The following HTT variants were observed in gnomAD, a reference collection of about 807,000 sequenced individuals.
HTT encodes huntington disease protein.
A neutral mutation model predicts 362.3 loss-of-function variants in HTT; 104 were observed. The observed-to-expected ratio is 0.29, with a 90% CI of 0.24 to 0.34. The LOEUF (loss-of-function observed/expected upper bound fraction) is 0.34, where lower values mean the gene tolerates loss of function less well. Ranked by LOEUF, HTT falls within the 10% of genes least tolerant of loss-of-function variation. The pLI is 1.00. For synonymous variants in HTT, 1,577 were observed against 1,548.7 expected, an observed-to-expected ratio of 1.02 and a Z score of -0.43; for missense variants, 3,301 against 3,928.6, an observed-to-expected ratio of 0.84 and a Z score of 4.27.
In HTT at chr4:3,129,084, A is replaced by G. The variant is rs768255415; in HGVS notation, c.1744-840A>G. The G allele has an allele frequency of 2.0e-5, 3 of 152,242 alleles. No individual in the cohort carries two copies. In the East Asian group the frequency reaches 5.8e-4, roughly 29 times the overall value. The allele number at this position is 152,242 out of a possible 1,614,324, so 9.4% of individuals were successfully genotyped here. On this transcript the variant is annotated intron_variant, in intron 12 of 66. Coordinates refer to ENST00000355072, the MANE Select transcript of HTT (RefSeq NM_001388492.1). ...TCATGCATGTTGTAGCCTATGTTAG[A>G]ACTTCCTAATGTTTCAGGCCAAATA...
At chr4:3,153,377 A>G (rs1342520590) in intron 26 of HTT, among the ~76,000 whole-genome samples, 1 of 152,320 alleles carries the variant, frequency 6.6e-6, no homozygotes, top group African/African-American at 2.4e-5. Context: ...GGGAGTGAGT[A>G]AGTAGCAGAG....
chr4:3,192,801 A>G (rs1034498604), intron 40 of HTT, among the ~76,000 whole-genome samples: 1 of 152,228 alleles, frequency 6.6e-6, no homozygotes, highest in Non-Finnish European at 1.5e-5. Context: ...TTTTGCATAC[A>G]TATCTTAGAG....
intron 35 of HTT, among the ~76,000 whole-genome samples, chr4:3,178,815 C>T (rs1167864280): frequency 6.6e-6 from 1 of 152,114 alleles, no homozygotes; most frequent in East Asian, 1.9e-4. Context: ...ATCGAACTTG[C>T]CGTGAATTAA....
At chr4:3,224,412 A>G (rs933571385) in intron 56 of HTT, among the ~76,000 whole-genome samples, 1 of 152,250 alleles carries the variant, frequency 6.6e-6, no homozygotes, top group Admixed American at 6.5e-5. Context: ...TAAAAGTTGA[A>G]TTAGTTGCTT....
chr4:3,230,713 A>T (rs1308605881), intron 60 of HTT, among the ~76,000 whole-genome samples: 1 of 152,054 alleles, frequency 6.6e-6, no homozygotes, highest in African/African-American at 2.4e-5. Context: ...TGCTTCATAG[A>T]TGGCATCTTC....
chr4:3,163,079 T>TA (rs1224148431), intron 29 of HTT, among the ~76,000 whole-genome samples: 1 of 152,246 alleles, frequency 6.6e-6, no homozygotes, highest in African/African-American at 2.4e-5. Flanking sequence ...AAATAGCTCT[T>TA]ACTATGTTGA....
intron 54 of HTT, among the ~76,000 whole-genome samples, chr4:3,223,159 T>C (rs999836464): frequency 6.6e-6 from 1 of 152,248 alleles, no homozygotes; most frequent in African/African-American, 2.4e-5. Context: ...AAGTAATTCA[T>C]GTTTGGAGTT....
chr4:3,149,726 C>T (rs1716786059), intron 26 of HTT, among the ~76,000 whole-genome samples: 1 of 152,192 alleles, frequency 6.6e-6, no homozygotes, highest in South Asian at 2.1e-4. Context: ...CAGTCTTCTC[C>T]CTTCTCTGCA....
At chr4:3,123,193 T>C (rs1715369862) in intron 10 of HTT, 1 of 355,818 alleles carries the variant, frequency 2.8e-6, no homozygotes, top group Admixed American at 4.6e-5. Context: ...AAATTTCTAA[T>C]GTTCGGGGTC....
chr4:3,239,832 A>G lies in HTT; in HGVS notation c.9216-14A>G. 2.6e-6 allele frequency: 4 copies of G among 1,550,188 alleles called. No homozygotes were observed. Among genetic ancestry groups the G allele is most frequent in the Non-Finnish European group, 3.5e-6 (4 of 1,145,656 alleles). ...CCCTCATTTGCCGGCCTTTTTCCTTAACTCCTGCACCAGCCTCCCACATGT... is the reference window on the plus strand; with the variant it reads ...CCCTCATTTGCCGGCCTTTTTCCTTGACTCCTGCACCAGCCTCCCACATGT... On this transcript the variant is annotated splice_polypyrimidine_tract_variant and intron_variant, in intron 66 of 66. Transcript: ENST00000355072.
Position 3,186,627 on chromosome 4 carries a change from G to A in HTT, c.4897G>A (p.Val1633Met). 1 of 1,613,462 alleles carries A rather than the reference G, an allele frequency of 6.2e-7. No individual in the cohort carries two copies. Among genetic ancestry groups the A allele is most frequent in the South Asian group, 1.1e-5 (1 of 91,072 alleles). Residue 1633 changes from valine (V) to methionine (M), a missense_variant, in exon 38 of 67, where the codon GTG becomes ATG. Transcript: ENST00000355072. ...CATTGACTCTCATGAAGCCCTTGGA[G>A]TGTTAAATACATTATTTGAGATTTT... is the stretch of plus-strand genomic sequence containing the variant. ...MHIDSHEALGVLNTLFEILAP... is the reference protein window; with the variant it reads ...MHIDSHEALGMLNTLFEILAP...
Position 3,215,119 on chromosome 4 carries a change from A to C in HTT, c.6962A>C (p.Gln2321Pro), listed in dbSNP as rs200857448. ...VHFILEAVAV[Q>P]PGEQLLSPER... ...TCTGTTGTAATTTTAGTTGCAGTGC[A>C]GCCTGGAGAGCAGCTTCTTAGTCCA... The change falls in exon 51 of 67, where the codon CAG (glutamine) becomes CCG (proline). Residue 2321 changes from glutamine (Q) to proline (P), a missense_variant. This residue lies in a region of HTT where 220 missense variants were observed against 218.5 expected (regional missense o/e 1.01). Coordinates refer to ENST00000355072, the MANE Select transcript of HTT (RefSeq NM_001388492.1). 17 of 1,613,536 alleles carry C rather than the reference A, an allele frequency of 1.1e-5. No homozygotes were observed. The African/African-American group carries it at 1.1e-4, about 10-fold the overall frequency.
chr4:3,143,887 G>A (rs1448118804), intron 23 of HTT, among the ~76,000 whole-genome samples: 1 of 152,090 alleles, frequency 6.6e-6, no homozygotes, highest in Non-Finnish European at 1.5e-5. Context: ...ACAGGTGTGA[G>A]CCACCATGCC....
intron 42 of HTT, among the ~76,000 whole-genome samples, chr4:3,204,936 C>T (rs997797692): frequency 1.3e-5 from 2 of 152,176 alleles, no homozygotes; most frequent in Admixed American, 6.5e-5. Flanking sequence ...TGAGCTGTGA[C>T]TGTGTCACTG....
Position 3,223,574 on chromosome 4 carries a change from C to G in HTT, c.7625+14C>G, listed in dbSNP as rs938442125. On this transcript the variant is annotated intron_variant, in intron 55 of 66. Transcript: ENST00000355072. ...TCTCGACACCAGGTTTGCTTGAGTT[C>G]CCACGTGTCTCTGGGACATAGCAGG... 1.3e-6 allele frequency: 2 copies of G among 1,594,360 alleles called. No individual in the cohort carries two copies. Among genetic ancestry groups the G allele is most frequent in the African/African-American group, 2.7e-5 (2 of 74,558 alleles).
At chr4:3,219,840 G>A (rs1300180637) in intron 52 of HTT, among the ~76,000 whole-genome samples, 1 of 152,168 alleles carries the variant, frequency 6.6e-6, no homozygotes, top group East Asian at 1.9e-4. Context: ...CTCATTGAAC[G>A]CCTGCCTTTA....
rs570133286 is a variant in HTT, at chr4:3,243,712, G to A, written c.*3653G>A. Reference sequence around the variant, plus strand: ...GGCCAACGTGGACCTGCCTACGGAGGGTGGGCTCTGACCCAAGTGGGGCCT... The same window carrying A: ...GGCCAACGTGGACCTGCCTACGGAGAGTGGGCTCTGACCCAAGTGGGGCCT... On this transcript the variant is annotated 3_prime_UTR_variant, in exon 67 of 67. Transcript: ENST00000355072. 1 of 152,278 alleles carries A rather than the reference G, an allele frequency of 6.6e-6. No homozygotes were observed. Among genetic ancestry groups the A allele is most frequent in the Non-Finnish European group, 1.5e-5 (1 of 68,082 alleles). 9.4% of individuals were successfully genotyped at this position (152,278 alleles called of 1,614,324 possible).
At chr4:3,093,905 G>GTTTTTTTTTTTTTTT (rs67455911) in intron 2 of HTT, among the ~76,000 whole-genome samples, 55 of 23,886 alleles carry the variant, frequency 2.3e-3, no homozygotes, top group East Asian at 6.3e-3. Flanking sequence ...CTTTAAGTTG[G>GTTTTTTTTTTTTTTT]TTTTTTTTTT....
rs537160808 is a variant in HTT, at chr4:3,223,764, C to T, written c.7625+204C>T. 3.9e-5 allele frequency among the ~76,000 whole-genome samples: 6 copies of T among 152,264 alleles called. No individual in the cohort carries two copies. The East Asian group carries it at 7.7e-4, about 20-fold the overall frequency. ...AAGCTGGAAACGTGACAGGAACTGA[C>T]GTGGGGTTATTGAGCATTTAGGGGA... On this transcript the variant is annotated intron_variant, in intron 55 of 66. Coordinates refer to ENST00000355072, the MANE Select transcript of HTT (RefSeq NM_001388492.1).
Sources: allele counts gnomAD v4.1 joint callset (sites outside exome capture counted in the v4.1 genomes callset), GRCh38; gene constraint gnomAD v4.1.1; regional missense constraint gnomAD v4.1.1; transcripts MANE v1.5; gene names NCBI Gene and HGNC (gene_info 2026-07-23, HGNC 2026-07-21).